Variants in ARMH3 observed in about 807,000 individuals in gnomAD.
The protein encoded by ARMH3 is armadillo like helical domain containing 3, also known as armadillo-like helical domain-containing protein 3.
In ARMH3, 60 loss-of-function variants were observed where a neutral mutation model predicts 99.1. That is an observed-to-expected ratio of 0.61 (90% CI 0.49 to 0.75). The LOEUF (loss-of-function observed/expected upper bound fraction) is 0.75. ARMH3 is among the 30% of genes least tolerant of loss of function. The pLI is 0.00. For missense variants in ARMH3, 679 were observed against 843.1 expected, an observed-to-expected ratio of 0.81 and a Z score of 2.41; for synonymous variants, 285 against 292.8, an observed-to-expected ratio of 0.97 and a Z score of 0.27.
At chr10:101,957,517 G>T (rs918756770) in intron 21 of ARMH3, 133 bp downstream of exon 21, 5 of 946,912 alleles carry the variant, frequency 5.3e-6, no homozygotes, top group Non-Finnish European at 6.0e-6. Context: ...GTCCAGATTC[G>T]GATCCAAAAA....
At chr10:101,891,184 G>C (rs943278797) in intron 23 of ARMH3, among the ~76,000 whole-genome samples, 2 of 150,564 alleles carry the variant, frequency 1.3e-5, no homozygotes, top group Non-Finnish European at 3.0e-5. Flanking sequence ...CTGACTGGTA[G>C]TTTCTTTCTT....
intron 5 of ARMH3, among the ~76,000 whole-genome samples, chr10:102,025,914 G>A (rs1458520805): frequency 1.3e-5 from 2 of 152,140 alleles, no homozygotes; most frequent in African/African-American, 4.8e-5. Flanking sequence ...CAAAGAGTTG[G>A]CACTGCAGGT....
chr10:102,047,140 T>C (rs1037824391), intron 1 of ARMH3, among the ~76,000 whole-genome samples: 5 of 152,248 alleles, frequency 3.3e-5, no homozygotes, highest in African/African-American at 1.2e-4. Context: ...CATGGTAATT[T>C]TTTTAAGGAT....
rs1319169157 is a variant in ARMH3 at position 102,033,487 on chromosome 10, G to A, written c.103-148C>T. ...GGCTGGAGTACAGTGGCGTGATCTCGGCTCACTGCAGGCTCCGCCCCCCAG... is the reference window on the plus strand; with the variant it reads ...GGCTGGAGTACAGTGGCGTGATCTCAGCTCACTGCAGGCTCCGCCCCCCAG... On this transcript the variant is annotated intron_variant, in intron 2 of 25. Coordinates refer to ENST00000370033, the MANE Select transcript of ARMH3 (RefSeq NM_024541.3). The A allele has an allele frequency of 1.4e-5, 12 of 838,944 alleles. No homozygotes were observed. In the East Asian group the frequency reaches 1.6e-4, roughly 11 times the overall value. 52.0% of individuals were successfully genotyped at this position (838,944 alleles called of 1,614,324 possible).
chr10:101,990,033 C>T (rs1267552068), intron 19 of ARMH3, among the ~76,000 whole-genome samples: 1 of 152,190 alleles, frequency 6.6e-6, no homozygotes, highest in Non-Finnish European at 1.5e-5. Flanking sequence ...TAGAAGTGAT[C>T]ATGCGGATAT....
chr10:101,911,932 C>T (rs1031426194), intron 23 of ARMH3, among the ~76,000 whole-genome samples: 5 of 151,964 alleles, frequency 3.3e-5, no homozygotes, highest in African/African-American at 1.2e-4. Context: ...ACTCAGGAGG[C>T]TGAAGCAGGA....
intron 23 of ARMH3, 43 bp downstream of exon 23, chr10:101,939,820 G>A (rs1372520785): frequency 1.9e-6 from 3 of 1,544,838 alleles, no homozygotes; most frequent in Non-Finnish European, 2.7e-6. Context: ...TAAACCTCAG[G>A]AAGAGCCAAG....
chr10:101,856,582 T>C (rs1425579653), intron 24 of ARMH3, among the ~76,000 whole-genome samples: 1 of 151,942 alleles, frequency 6.6e-6, no homozygotes, highest in Non-Finnish European at 1.5e-5. Flanking sequence ...AAAAAATCTC[T>C]GGATGACTTG....
chr10:101,979,267 C>T (rs1290451466), intron 19 of ARMH3, among the ~76,000 whole-genome samples: 4 of 152,066 alleles, frequency 2.6e-5, no homozygotes, highest in African/African-American at 4.8e-5. Context: ...ATAAATACAA[C>T]GATGTTGTAT....
At chr10:101,907,377 T>C (rs546316172) in intron 23 of ARMH3, among the ~76,000 whole-genome samples, 1 of 151,506 alleles carries the variant, frequency 6.6e-6, no homozygotes, top group East Asian at 1.9e-4. Context: ...GTTTTTGTCT[T>C]TGTTTTTGTT....
chr10:101,936,030 T>C (rs1168282570), intron 23 of ARMH3, among the ~76,000 whole-genome samples: 3 of 152,158 alleles, frequency 2.0e-5, no homozygotes, highest in Admixed American at 6.5e-5. Flanking sequence ...TTACCATTGG[T>C]TCACTGGAGT....
chr10:102,039,953 C>A, intron 2 of ARMH3, 60 bp downstream of exon 2: 1 of 1,471,626 alleles, frequency 6.8e-7, no homozygotes, highest in Non-Finnish European at 9.5e-7. Context: ...AAGGGTATTT[C>A]TCATCTTGGA....
intron 1 of ARMH3, among the ~76,000 whole-genome samples, chr10:102,050,162 G>A (rs1030075510): frequency 3.3e-5 from 5 of 150,224 alleles, no homozygotes; most frequent in African/African-American, 1.2e-4. Flanking sequence ...AAAAAATAGA[G>A]CCAGGCGCTG....
Position 102,040,038 on chromosome 10 carries a change from A to G in ARMH3, c.77T>C (p.Val26Ala), listed in dbSNP as rs761866327. 3 of 1,614,044 alleles carry G rather than the reference A, an allele frequency of 1.9e-6. No individual in the cohort carries two copies. The Admixed American group carries it at 5.0e-5, about 27-fold the overall frequency. Residue 26 changes from valine to alanine, a missense_variant, in exon 2 of 26, where the codon GTG (valine) becomes GCG (alanine). Physicochemically the swap from Val to Ala is moderately conservative, Grantham distance 64. Coordinates refer to ENST00000370033, the MANE Select transcript of ARMH3 (RefSeq NM_024541.3). The part of the protein sequence containing the change: ...ASKKPLKEKV[V>A]LMYDEIFMTE... The stretch of plus-strand genomic sequence containing the variant: ...CATGAAGATCTCATCATACATCAGC[A>G]CCACTTTTTCCTTCAGTGGTTTTTT...
intron 1 of ARMH3, among the ~76,000 whole-genome samples, chr10:102,055,706 C>A (rs951844726): frequency 2.0e-5 from 3 of 152,194 alleles, no homozygotes; most frequent in African/African-American, 7.2e-5. Flanking sequence ...TTGCCCTACG[C>A]CCGCACCCCA....
In ARMH3 at chr10:101,956,731, A is replaced by T; in HGVS notation, c.1579-8T>A. On this transcript the variant is annotated splice_polypyrimidine_tract_variant and splice_region_variant and intron_variant, in intron 21 of 25. Coordinates refer to ENST00000370033, the MANE Select transcript of ARMH3 (RefSeq NM_024541.3). ...ATTAAATAGGTTCACAATCTAAAAAAGAAGGAAAGGCCCATATATAGGCAT... is the reference window on the plus strand; with the variant it reads ...ATTAAATAGGTTCACAATCTAAAAATGAAGGAAAGGCCCATATATAGGCAT... 5 of 1,612,606 alleles carry T rather than the reference A, an allele frequency of 3.1e-6. No individual in the cohort carries two copies. In the South Asian group the frequency reaches 4.4e-5, roughly 14 times the overall value.
At chr10:101,943,900 T>C (rs1844353155) in intron 22 of ARMH3, among the ~76,000 whole-genome samples, 1 of 151,156 alleles carries the variant, frequency 6.6e-6, no homozygotes, top group South Asian at 2.1e-4. Flanking sequence ...CCGTCTCTAC[T>C]AAAAATACAA....
At chr10:101,921,345 G>C (rs1309897621) in intron 23 of ARMH3, among the ~76,000 whole-genome samples, 1 of 152,158 alleles carries the variant, frequency 6.6e-6, no homozygotes, top group Non-Finnish European at 1.5e-5. Context: ...TCTGGGGAAA[G>C]GGACTACTGA....
chr10:102,053,517 A>C (rs943904512), intron 1 of ARMH3, among the ~76,000 whole-genome samples: 25 of 152,030 alleles, frequency 1.6e-4, no homozygotes, highest in Admixed American at 3.9e-4. Flanking sequence ...TTACAGGTAT[A>C]AGCCACCAGG....
Sources: gnomAD v4.1 joint callset for allele counts (sites outside exome capture counted in the v4.1 genomes callset) on GRCh38, gnomAD v4.1.1 for gene constraint, MANE v1.5 for transcripts, NCBI Gene and HGNC (gene_info 2026-07-23, HGNC 2026-07-21) for gene names.